The following TRIML1 variants were observed in gnomAD, a reference collection of about 807,000 sequenced individuals.
The protein encoded by TRIML1 is tripartite motif family like 1.
A neutral mutation model predicts 32.3 loss-of-function variants in TRIML1; 34 were observed. The observed-to-expected ratio is 1.05, with a 90% confidence interval of 0.80 to 1.40. The LOEUF is 1.40. TRIML1 is among the 40% of genes most tolerant of loss of function. The pLI, the probability that TRIML1 is intolerant of heterozygous loss-of-function variation, is 0.00. For missense variants in TRIML1, 595 were observed against 574.9 expected (o/e 1.03, Z -0.36); for synonymous variants, 244 against 226.6 (o/e 1.08, Z -0.69).
upstream of TRIML1, among the ~76,000 whole-genome samples, chr4:188,138,717 G>A (rs1734741908): frequency 1.3e-5 from 2 of 152,242 alleles, no homozygotes; most frequent in South Asian, 4.2e-4. Flanking sequence ...GAAAATAAGT[G>A]AGCAAAATTA....
intron 5 of TRIML1, among the ~76,000 whole-genome samples, chr4:188,145,161 G>A (rs1205395015): frequency 6.6e-6 from 1 of 152,072 alleles, no homozygotes; most frequent in Non-Finnish European, 1.5e-5. Context: ...ATTGGGGCCG[G>A]GTGCGGTGGC....
At position 188,147,478 on chromosome 4, in the gene TRIML1, C is replaced by A; in HGVS notation, c.*106C>A. On this transcript the variant is annotated 3_prime_UTR_variant, in exon 6 of 6. Coordinates refer to ENST00000332517, the MANE Select transcript of TRIML1 (RefSeq NM_178556.5). ...TTAATGTCAGGTGATCTGAAATAAA[C>A]TCCCGTAACCCCACCCCACCCCCAA... 1 of 1,008,942 alleles carries A rather than the reference C, an allele frequency of 9.9e-7. No individual in the cohort carries two copies. The highest frequency in any genetic ancestry group is 1.3e-6 in the Non-Finnish European group (1 of 761,134). The allele number at this position is 1,008,942 out of a possible 1,614,324, so 62.5% of individuals were successfully genotyped here.
chr4:188,139,015 A>C (rs7654520), upstream of TRIML1, among the ~76,000 whole-genome samples: 11,086 of 152,126 alleles, frequency 0.073, 653 homozygotes, highest in African/African-American at 0.17. Flanking sequence ...GCAGAACAAA[A>C]GGGGCTAATG....
At chr4:188,144,186 A>ATACCTTCTC in intron 5 of TRIML1, 53 bp downstream of exon 5, 1 of 1,463,118 alleles carries the variant, frequency 6.8e-7, no homozygotes. Context: ...TAACTTCAGC[A>ATACCTTCTC]TACCTTCTTC....
In TRIML1 at chr4:188,147,463, G is replaced by A; in HGVS notation, c.*91G>A. 1 of 1,211,252 alleles carries A rather than the reference G, an allele frequency of 8.3e-7. No homozygotes were observed. Among genetic ancestry groups the A allele is most frequent in the Non-Finnish European group, 1.1e-6 (1 of 932,348 alleles). The allele number at this position is 1,211,252 out of a possible 1,614,324, so 75.0% of individuals were successfully genotyped here. A position where few individuals can be genotyped will look rare whatever the true frequency, so the allele number is the denominator to read the frequency against. On this transcript the variant is annotated 3_prime_UTR_variant, in exon 6 of 6. Transcript: ENST00000332517. ...AAGGCATCGACAGTATTAATGTCAG[G>A]TGATCTGAAATAAACTCCCGTAACC...
chr4:188,140,359 T>C (rs1043496979), intron 1 of TRIML1, among the ~76,000 whole-genome samples, 169 bp from the exon 2 acceptor site: 29 of 152,114 alleles, frequency 1.9e-4, no homozygotes, highest in African/African-American at 6.8e-4. Context: ...TGACCTCAGG[T>C]GATCCGCCTG....
chr4:188,148,558 T>C (rs1395786616), downstream of TRIML1, among the ~76,000 whole-genome samples: 1 of 152,038 alleles, frequency 6.6e-6, no homozygotes, highest in Non-Finnish European at 1.5e-5. Flanking sequence ...TTTTGGCTGG[T>C]GGTCTGCATT....
downstream of TRIML1, among the ~76,000 whole-genome samples, chr4:188,150,671 T>C (rs551399528): frequency 3.1e-4 from 47 of 151,964 alleles, no homozygotes; most frequent in African/African-American, 9.2e-4. Context: ...AAGTGGTAGA[T>C]ACTGACAAAG....
intron 5 of TRIML1, among the ~76,000 whole-genome samples, chr4:188,145,749 G>A (rs1331551022): frequency 6.6e-6 from 1 of 152,104 alleles, no homozygotes; most frequent in Non-Finnish European, 1.5e-5. Context: ...CCTGGGAGAC[G>A]AGGTTGCAGT....
At chr4:188,143,466 C>A in intron 3 of TRIML1, 1 of 291,034 alleles carries the variant, frequency 3.4e-6, no homozygotes, top group South Asian at 3.7e-5. Context: ...AACACACCAC[C>A]CCGACCTGAC....
Position 188,144,037 on chromosome 4 carries a change from A to G in TRIML1, c.760A>G (p.Ser254Gly), listed in dbSNP as rs763077190. 3 of 1,611,694 alleles carry G rather than the reference A, an allele frequency of 1.9e-6. No homozygotes were observed. The highest frequency in any genetic ancestry group is 2.5e-6 in the Non-Finnish European group (3 of 1,179,366). The change falls in exon 5 of 6, where the codon AGC (serine) becomes GGC (glycine). Residue 254 changes from serine (S) to glycine (G), a missense_variant and splice_region_variant. Coordinates refer to ENST00000332517, the MANE Select transcript of TRIML1 (RefSeq NM_178556.5). ...LEEVRGALERSEPLLLQCPEA... is the reference protein window; with the variant it reads ...LEEVRGALERGEPLLLQCPEA... ...GTGAACCTCTCTGCTCTCTTGCAGG[A>G]GCGAGCCACTCTTGCTTCAGTGTCC...
At chr4:188,146,082 G>GAGAT (rs1735067513) in intron 5 of TRIML1, among the ~76,000 whole-genome samples, 1 of 152,176 alleles carries the variant, frequency 6.6e-6, no homozygotes, top group Admixed American at 6.6e-5. Context: ...GTGATTAAAT[G>GAGAT]AGATAATGTA....
Position 188,147,247 on chromosome 4 carries a change from CTCA to C in TRIML1, c.1285_1287del (p.Ile429del), listed in dbSNP as rs757294900. 7 of 1,603,878 alleles carry C rather than the reference CTCA, an allele frequency of 4.4e-6. No homozygotes were observed. In the South Asian group the frequency reaches 7.8e-5, roughly 18 times the overall value. The stretch of plus-strand genomic sequence containing the variant: ...ATTCTACAACGGGACGGATGAATCC[CTCA>C]TCTACAGCTTCCCGCAGGCTTCTTT... On this transcript the variant is annotated inframe_deletion, in exon 6 of 6. Transcript: ENST00000332517.
chr4:188,142,075 C>T (rs1293777372), intron 2 of TRIML1, among the ~76,000 whole-genome samples, 177 bp from the exon 3 acceptor site: 6 of 148,830 alleles, frequency 4.0e-5, no homozygotes, highest in Non-Finnish European at 5.9e-5. Flanking sequence ...CGAGATTGCG[C>T]CACTGCACTT....
At chr4:188,142,905 G>A (rs77830860) in intron 3 of TRIML1, 4,545 of 163,348 alleles carry the variant, frequency 0.028, 120 homozygotes, top group African/African-American at 0.068. Flanking sequence ...GGTTAATAGC[G>A]GCACTGATTT....
chr4:188,146,940 C>T lies in TRIML1; in HGVS notation c.975C>T (p.Asp325=). ...TACCCGACAACCCGGAAAGATTTGA[C>T]CAGTCTGCGACTGTGCTGGGTACTC... ...QQLPDNPERF[D]QSATVLGTQI... is the part of the protein sequence containing the mutation. The change falls in exon 6 of 6, where the codon GAC becomes GAT. Residue 325 remains aspartate, a synonymous_variant. Coordinates refer to ENST00000332517, the MANE Select transcript of TRIML1 (RefSeq NM_178556.5). 1 of 1,502,866 alleles carries T rather than the reference C, an allele frequency of 6.7e-7. No individual in the cohort carries two copies. 93.1% of individuals were successfully genotyped at this position (1,502,866 alleles called of 1,614,324 possible).
chr4:188,140,206 C>T (rs959937743), intron 1 of TRIML1, among the ~76,000 whole-genome samples: 6 of 151,802 alleles, frequency 4.0e-5, no homozygotes, highest in Admixed American at 3.3e-4. Context: ...CTGCAACCTC[C>T]GCCTCCCAGG....
chr4:188,140,510 G>T lies in TRIML1; in HGVS notation c.409-18G>T, dbSNP rs372971866. 3.1e-6 allele frequency: 5 copies of T among 1,598,846 alleles called. No homozygotes were observed. Among genetic ancestry groups the T allele is most frequent in the Non-Finnish European group, 4.3e-6 (5 of 1,167,830 alleles). Reference sequence around the variant, plus strand: ...GGGACTCTGCTCATTTGCCAGAAAGGGTTTGTTTCTATTGCAGGAGAAACT... The same window carrying T: ...GGGACTCTGCTCATTTGCCAGAAAGTGTTTGTTTCTATTGCAGGAGAAACT... On this transcript the variant is annotated intron_variant, in intron 1 of 5. Coordinates refer to ENST00000332517, the MANE Select transcript of TRIML1 (RefSeq NM_178556.5).
Position 188,144,220 on chromosome 4 carries a change from A to T in TRIML1, c.856+87A>T, listed in dbSNP as rs188261676. 20 of 1,189,484 alleles carry T rather than the reference A, an allele frequency of 1.7e-5. No homozygotes were observed. In the African/African-American group the frequency reaches 2.4e-4, roughly 14 times the overall value. 73.7% of individuals were successfully genotyped at this position (1,189,484 alleles called of 1,614,324 possible). A position where few individuals can be genotyped will look rare whatever the true frequency, so the allele number is the denominator to read the frequency against. On this transcript the variant is annotated intron_variant, in intron 5 of 5. Transcript: ENST00000332517. ...TCCAGTGTCAGACATTCACGATCTGACACGAGGCTCCTGGTTAAGGAATCC... is the reference window on the plus strand; with the variant it reads ...TCCAGTGTCAGACATTCACGATCTGTCACGAGGCTCCTGGTTAAGGAATCC...
Sources: allele counts gnomAD v4.1 joint callset (sites outside exome capture counted in the v4.1 genomes callset), GRCh38; gene constraint gnomAD v4.1.1; transcripts MANE v1.5; gene names NCBI Gene and HGNC (gene_info 2026-07-23, HGNC 2026-07-21).